The following ATP8A2 variants were observed in gnomAD, a reference collection of about 807,000 sequenced individuals.
ATP8A2 encodes the protein ATPase phospholipid transporting 8A2.
Under a neutral mutation model 165.6 loss-of-function variants are expected in ATP8A2, and 100 were observed. The observed-to-expected ratio is 0.60, with a 90% CI of 0.51 to 0.71. The LOEUF is 0.71. Ranked by LOEUF, ATP8A2 falls within the 30% of genes least tolerant of loss-of-function variation. The pLI is 0.00. For missense variants in ATP8A2, 1,227 were observed against 1,479.5 expected, an observed-to-expected ratio of 0.83 and a Z score of 2.80; for synonymous variants, 543 against 548.8, an observed-to-expected ratio of 0.99 and a Z score of 0.15.
intron 25 of ATP8A2, among the ~76,000 whole-genome samples, chr13:25,726,605 A>T (rs997461192): frequency 8.6e-5 from 13 of 151,328 alleles, no homozygotes; most frequent in Non-Finnish European, 1.5e-5. Flanking sequence ...CTGCAGTGAA[A>T]TCTCTCTCTC....
chr13:25,751,647 G>T (rs1391127201), intron 25 of ATP8A2, among the ~76,000 whole-genome samples: 1 of 152,040 alleles, frequency 6.6e-6, no homozygotes, highest in Non-Finnish European at 1.5e-5. Flanking sequence ...TGTTGCCCAG[G>T]CTGGTCTTGA....
At chr13:25,882,147 C>T (rs983835952) in intron 33 of ATP8A2, among the ~76,000 whole-genome samples, 1 of 152,096 alleles carries the variant, frequency 6.6e-6, no homozygotes, top group Non-Finnish European at 1.5e-5. Context: ...GGCCATTGGA[C>T]GTAAAAACCT....
chr13:25,534,130 T>C lies in ATP8A2; in HGVS notation c.507+817T>C, dbSNP rs1445429234. On this transcript the variant is annotated intron_variant, in intron 6 of 36. Coordinates refer to ENST00000381655, the MANE Select transcript of ATP8A2 (RefSeq NM_016529.6). The stretch of plus-strand genomic sequence containing the variant: ...TTATATCTGAAAAATGCCCGTGATA[T>C]GGTAACTGCAGCATTTGCTTTAGTT... 5 of 523,566 alleles carry C rather than the reference T, an allele frequency of 9.5e-6. No homozygotes were observed. In the East Asian group the frequency reaches 2.2e-4, roughly 23 times the overall value. The allele number at this position is 523,566 out of a possible 1,614,324, so 32.4% of individuals were successfully genotyped here.
chr13:25,421,780 C>T (rs7990237), intron 1 of ATP8A2, among the ~76,000 whole-genome samples: 63,871 of 152,032 alleles, frequency 0.42, 14,178 homozygotes, highest in East Asian at 0.59. Flanking sequence ...CTGCAGTGGC[C>T]CTACGTGGTG....
intron 25 of ATP8A2, among the ~76,000 whole-genome samples, chr13:25,731,123 GAA>G (rs1188692362): frequency 2.9e-5 from 2 of 68,108 alleles, no homozygotes; most frequent in South Asian, 5.7e-4. Context: ...AAAGGGAAAA[GAA>G]AAGAGAGAGA....
At chr13:25,473,482 A>T (rs961610343) in intron 2 of ATP8A2, among the ~76,000 whole-genome samples, 1 of 152,146 alleles carries the variant, frequency 6.6e-6, no homozygotes, top group African/African-American at 2.4e-5. Context: ...ACCTAATAAG[A>T]TCTCCTTTTC....
At chr13:25,788,407 C>A (rs1428979611) in intron 27 of ATP8A2, among the ~76,000 whole-genome samples, 1 of 152,196 alleles carries the variant, frequency 6.6e-6, no homozygotes, top group Non-Finnish European at 1.5e-5. Context: ...TTTACTTCAT[C>A]CCCACAAACC....
chr13:25,903,546 G>GT (rs1953833621), intron 33 of ATP8A2, among the ~76,000 whole-genome samples: 1 of 152,228 alleles, frequency 6.6e-6, no homozygotes, highest in Non-Finnish European at 1.5e-5. Context: ...CATTAAGAGA[G>GT]TAAGTCTAAG....
intron 25 of ATP8A2, among the ~76,000 whole-genome samples, chr13:25,749,738 G>A (rs534303885): frequency 3.9e-5 from 6 of 152,276 alleles, no homozygotes; most frequent in Non-Finnish European, 5.9e-5. Flanking sequence ...TGTTCCTTCC[G>A]ATTTTCTTTA....
At chr13:25,757,216 A>G (rs1360599512) in intron 25 of ATP8A2, among the ~76,000 whole-genome samples, 1 of 152,204 alleles carries the variant, frequency 6.6e-6, no homozygotes, top group Non-Finnish European at 1.5e-5. Context: ...CATTGGTCAC[A>G]GAATCTGGTC....
chr13:25,765,122 T>C (rs2044464157), intron 25 of ATP8A2, among the ~76,000 whole-genome samples: 1 of 152,234 alleles, frequency 6.6e-6, no homozygotes, highest in Admixed American at 6.5e-5. Context: ...TCCCATAAAA[T>C]GAGATACTCC....
At chr13:25,973,440 G>GA (rs1305259498) in intron 35 of ATP8A2, among the ~76,000 whole-genome samples, 4 of 152,250 alleles carry the variant, frequency 2.6e-5, no homozygotes, top group Non-Finnish European at 5.9e-5. Flanking sequence ...GGTGGCCTGG[G>GA]ATCCTAATGG....
chr13:25,697,101 A>G (rs2042849688), intron 24 of ATP8A2, among the ~76,000 whole-genome samples: 1 of 152,226 alleles, frequency 6.6e-6, no homozygotes, highest in African/African-American at 2.4e-5. Context: ...GTTGCTAGAA[A>G]TCTTCAATTT....
chr13:25,560,976 T>A (rs1200383363), intron 15 of ATP8A2, among the ~76,000 whole-genome samples: 2 of 151,348 alleles, frequency 1.3e-5, no homozygotes, highest in Admixed American at 1.3e-4. Flanking sequence ...AAGCTCCGCC[T>A]CCCGGGTTCA....
chr13:25,888,354 G>A (rs1953232308), intron 33 of ATP8A2, among the ~76,000 whole-genome samples: 1 of 152,150 alleles, frequency 6.6e-6, no homozygotes, highest in South Asian at 2.1e-4. Context: ...TCTAAAAGAT[G>A]CCTATAAATA....
chr13:25,474,190 G>T (rs1364937452), intron 2 of ATP8A2, among the ~76,000 whole-genome samples: 1 of 136,648 alleles, frequency 7.3e-6, no homozygotes, highest in East Asian at 3.5e-4. Context: ...AGGTTGGTTT[G>T]CCTTAAAGGA....
At chr13:25,457,723 C>A (rs902475334) in intron 1 of ATP8A2, among the ~76,000 whole-genome samples, 4 of 152,238 alleles carry the variant, frequency 2.6e-5, no homozygotes, top group African/African-American at 9.6e-5. Context: ...CAGATGATTG[C>A]ATATGCATCT....
intron 1 of ATP8A2, among the ~76,000 whole-genome samples, chr13:25,421,661 C>CT (rs2034303605): frequency 6.6e-6 from 1 of 152,162 alleles, no homozygotes; most frequent in Non-Finnish European, 1.5e-5. Flanking sequence ...GAGAAGTAAA[C>CT]TATATGGAAA....
intron 1 of ATP8A2, among the ~76,000 whole-genome samples, chr13:25,464,121 T>C (rs2035572542): frequency 6.6e-6 from 1 of 152,192 alleles, no homozygotes; most frequent in South Asian, 2.1e-4. Flanking sequence ...CTGTGAAGAC[T>C]TTCCTCTGCC....
Sources: allele counts gnomAD v4.1 joint callset (sites outside exome capture counted in the v4.1 genomes callset), GRCh38; gene constraint gnomAD v4.1.1; transcripts MANE v1.5; gene names NCBI Gene and HGNC (gene_info 2026-07-23, HGNC 2026-07-21).